The following TAB2 variants were observed in gnomAD, a reference collection of about 807,000 sequenced individuals.
TAB2 encodes the protein TGF-beta activated kinase 1 (MAP3K7) binding protein 2.
A neutral mutation model predicts 65.0 loss-of-function variants in TAB2; 3 were observed. The ratio of observed to expected loss-of-function variants is 0.05; its 90% CI spans 0.02 to 0.12. TAB2 has a LOEUF of 0.12. TAB2 is among the 10% of genes least tolerant of loss of function. TAB2 has a pLI of 1.00. For missense variants in TAB2, 623 were observed against 840.3 expected (o/e 0.74, Z 3.20); for synonymous variants, 298 against 285.1 (o/e 1.05, Z -0.46).
chr6:149,330,966 G>C (rs1779765881), intron 1 of TAB2, among the ~76,000 whole-genome samples: 1 of 152,090 alleles, frequency 6.6e-6, no homozygotes, highest in Non-Finnish European at 1.5e-5. Flanking sequence ...TCTCTGTTCT[G>C]TTCCATTGAT....
At chr6:149,283,131 G>A (rs748778761) in intron 1 of TAB2, among the ~76,000 whole-genome samples, 7 of 152,150 alleles carry the variant, frequency 4.6e-5, no homozygotes, top group South Asian at 2.1e-4. Flanking sequence ...GAGGCTCCCC[G>A]GGTGACACCG....
chr6:149,367,626 A>G (rs1781082817), intron 1 of TAB2, among the ~76,000 whole-genome samples: 3 of 152,174 alleles, frequency 2.0e-5, no homozygotes, highest in African/African-American at 7.2e-5. Flanking sequence ...TATGTTGGCA[A>G]AAAGAAGGAA....
At chr6:149,397,839 T>G in intron 4 of TAB2, 75 bp downstream of exon 4, 1 of 1,589,932 alleles carries the variant, frequency 6.3e-7, no homozygotes, top group Non-Finnish European at 8.6e-7. Context: ...GTAATATCTC[T>G]ATCTAGTTTT....
chr6:149,268,173 G>A (rs1425502577), intron 1 of TAB2, among the ~76,000 whole-genome samples: 2 of 152,062 alleles, frequency 1.3e-5, no homozygotes, highest in African/African-American at 4.8e-5. Context: ...TCAGTTCAAG[G>A]GCTGATGTGG....
intron 1 of TAB2, among the ~76,000 whole-genome samples, chr6:149,279,838 T>C (rs1778540531): frequency 6.6e-6 from 1 of 152,144 alleles, no homozygotes; most frequent in Non-Finnish European, 1.5e-5. Context: ...ACTGAACTTG[T>C]TTTTCTTATC....
chr6:149,298,483 C>T (rs1778916054), intron 1 of TAB2, among the ~76,000 whole-genome samples: 2 of 152,012 alleles, frequency 1.3e-5, no homozygotes, highest in Non-Finnish European at 2.9e-5. Flanking sequence ...AAAAACTTAA[C>T]CAGGCGTGGT....
At chr6:149,229,304 G>A (rs1451643083) in intron 1 of TAB2, among the ~76,000 whole-genome samples, 1 of 152,100 alleles carries the variant, frequency 6.6e-6, no homozygotes, top group African/African-American at 2.4e-5. Context: ...TGTCAACAGT[G>A]CAACGTAAAA....
intron 6 of TAB2, among the ~76,000 whole-genome samples, chr6:149,406,515 G>A (rs943606325): frequency 6.6e-6 from 1 of 152,154 alleles, no homozygotes; most frequent in Non-Finnish European, 1.5e-5. Context: ...TAGACAAGTG[G>A]CTGGCAAACA....
At chr6:149,233,723 G>A (rs1274997940) in intron 1 of TAB2, among the ~76,000 whole-genome samples, 2 of 152,052 alleles carry the variant, frequency 1.3e-5, no homozygotes, top group Non-Finnish European at 1.5e-5. Flanking sequence ...ATTTCTCAAG[G>A]CCAGAAACTC....
chr6:149,258,178 A>G (rs982353302), intron 1 of TAB2, among the ~76,000 whole-genome samples: 2 of 152,184 alleles, frequency 1.3e-5, no homozygotes, highest in Non-Finnish European at 1.5e-5. Flanking sequence ...TGTTGTGCAC[A>G]TGAACCGAAG....
chr6:149,292,195 T>C (rs1173454933), intron 1 of TAB2, among the ~76,000 whole-genome samples: 1 of 152,208 alleles, frequency 6.6e-6, no homozygotes, highest in Non-Finnish European at 1.5e-5. Context: ...AGCAGATTGA[T>C]TCACTAGACA....
intron 1 of TAB2, among the ~76,000 whole-genome samples, chr6:149,302,262 A>G (rs1235955348): frequency 6.6e-6 from 1 of 152,238 alleles, no homozygotes; most frequent in Admixed American, 6.5e-5. Context: ...CTGAAAAGGC[A>G]TATATCGAAA....
chr6:149,279,378 C>T lies in TAB2; in HGVS notation c.-121+60602C>T, dbSNP rs546036380. Among the ~76,000 whole-genome samples, 6 of 152,234 alleles carry T rather than the reference C, an allele frequency of 3.9e-5. No homozygotes were observed. In the South Asian group the frequency reaches 1.2e-3, roughly 32 times the overall value. On this transcript the variant is annotated intron_variant, in intron 1 of 1. Coordinates refer to the TAB2 transcript ENST00000606202. ...GGTATTATCCAGAGCTGTGTTCTTG[C>T]TCTCTCTTCTTCCTCCATACGCTTA... is the stretch of plus-strand genomic sequence containing the variant.
At chr6:149,403,304 AT>A (rs1782535263) in intron 6 of TAB2, among the ~76,000 whole-genome samples, 1 of 71,154 alleles carries the variant, frequency 1.4e-5, no homozygotes, top group African/African-American at 5.7e-5. Context: ...ACATATATAT[AT>A]ATATATATAC....
intron 1 of TAB2, among the ~76,000 whole-genome samples, chr6:149,262,102 G>A (rs1778163751): frequency 6.6e-6 from 1 of 152,224 alleles, no homozygotes; most frequent in South Asian, 2.1e-4. Context: ...ATGTGTGGAT[G>A]TTTAGGGTGC....
upstream of TAB2, among the ~76,000 whole-genome samples, chr6:149,312,855 TA>T (rs1779188901): frequency 6.6e-6 from 1 of 152,224 alleles, no homozygotes; most frequent in African/African-American, 2.4e-5. Flanking sequence ...AGTTATTTTT[TA>T]TGGTGAGAAC....
At position 149,359,145 on chromosome 6, in the gene TAB2, G is replaced by C. The variant is rs74603272; in HGVS notation, c.-89-10764G>C. Among the ~76,000 whole-genome samples, 1,409 of 151,878 alleles carry C rather than the reference G, an allele frequency of 9.3e-3. 20 individuals are homozygous for C. The highest frequency in any genetic ancestry group is 0.033 in the African/African-American group (1,354 of 41,454). On this transcript the variant is annotated intron_variant, in intron 1 of 6. Transcript: ENST00000637181. ...ATGTTCCTGATCTTTACTCATGGTG[G>C]ATTATTTCTTTGTGCTTTTGAATTT...
At chr6:149,400,984 C>G (rs1782386511) in intron 6 of TAB2, 1 of 314,424 alleles carries the variant, frequency 3.2e-6, no homozygotes, top group East Asian at 6.6e-5. Context: ...CCATTAGTGG[C>G]ATGTTCATTC....
At chr6:149,263,229 A>G (rs1002287776) in intron 1 of TAB2, among the ~76,000 whole-genome samples, 2 of 152,214 alleles carry the variant, frequency 1.3e-5, no homozygotes, top group African/African-American at 4.8e-5. Context: ...TTTGATAATC[A>G]TGTTTAATTT....
Sources: gnomAD v4.1 joint callset for allele counts (sites outside exome capture counted in the v4.1 genomes callset) on GRCh38, gnomAD v4.1.1 for gene constraint, MANE v1.5 for transcripts, NCBI Gene and HGNC (gene_info 2026-07-23, HGNC 2026-07-21) for gene names.